CCSER1: variants seen among roughly 807,000 people sequenced by gnomAD.
CCSER1 encodes the protein coiled-coil serine rich protein 1.
Under a neutral mutation model 82.0 loss-of-function variants are expected in CCSER1, and 41 were observed. The ratio of observed to expected loss-of-function variants is 0.50; its 90% CI spans 0.39 to 0.65. CCSER1 has a LOEUF of 0.65. Among genes scored for constraint, CCSER1 ranks in the 30% least tolerant of loss-of-function variants. CCSER1 has a pLI of 0.00. For synonymous variants in CCSER1, 414 were observed against 383.9 expected, an observed-to-expected ratio of 1.08 and a Z score of -0.92; for missense variants, 1,119 against 1,064.2, an observed-to-expected ratio of 1.05 and a Z score of -0.72.
chr4:90,861,926 A>ATATATATATATATTT (rs1486179354), intron 8 of CCSER1, among the ~76,000 whole-genome samples: 2 of 125,684 alleles, frequency 1.6e-5, no homozygotes, highest in African/African-American at 5.5e-5. Flanking sequence ...ATATATATAT[A>ATATATATATATATTT]TTTTTTTTTT....
chr4:90,448,444 AATATAT>A (rs70963067), intron 4 of CCSER1, among the ~76,000 whole-genome samples: 603 of 44,044 alleles, frequency 0.014, 13 homozygotes, highest in East Asian at 0.11. Flanking sequence ...AGGTGAATTG[AATATAT>A]ATATATATAT....
At chr4:90,741,797 A>T (rs184036789) in intron 7 of CCSER1, among the ~76,000 whole-genome samples, 1 of 152,316 alleles carries the variant, frequency 6.6e-6, no homozygotes, top group Non-Finnish European at 1.5e-5. Flanking sequence ...TGCTCATTTG[A>T]GATAGACCGT....
intron 10 of CCSER1, among the ~76,000 whole-genome samples, chr4:91,332,316 C>T (rs917301900): frequency 1.3e-5 from 2 of 151,706 alleles, no homozygotes; most frequent in African/African-American, 2.4e-5. Flanking sequence ...ATAATATTAT[C>T]CCTCTCATTG....
intron 9 of CCSER1, among the ~76,000 whole-genome samples, chr4:91,023,439 G>A (rs1036743503): frequency 2.0e-5 from 3 of 152,156 alleles, no homozygotes; most frequent in African/African-American, 2.4e-5. Context: ...AAACAGGATG[G>A]TACTGGTACC....
In CCSER1 at chr4:91,427,145, G is replaced by T. The variant is rs562670410; in HGVS notation, c.2218-171427G>T. Reference sequence around the variant, plus strand: ...ATAAGGAAGATAGAAGTTTAAGGTTGTTTTTCTGTGAATGAAGAACATCAC... The same window carrying T: ...ATAAGGAAGATAGAAGTTTAAGGTTTTTTTTCTGTGAATGAAGAACATCAC... On this transcript the variant is annotated intron_variant, in intron 10 of 10. Coordinates refer to ENST00000509176, the MANE Select transcript of CCSER1 (RefSeq NM_001145065.2). Among the ~76,000 whole-genome samples, 27 of 152,220 alleles carry T rather than the reference G, an allele frequency of 1.8e-4. No individual in the cohort carries two copies. The East Asian group carries it at 5.0e-3, about 28-fold the overall frequency.
intron 7 of CCSER1, among the ~76,000 whole-genome samples, chr4:90,796,886 G>A (rs1580513991): frequency 6.6e-6 from 1 of 152,120 alleles, no homozygotes; most frequent in Admixed American, 6.6e-5. Context: ...ATTTGCTAAG[G>A]AGTGTTTTAC....
chr4:91,465,463 A>G (rs1015886409), intron 10 of CCSER1, among the ~76,000 whole-genome samples: 1 of 152,040 alleles, frequency 6.6e-6, no homozygotes, highest in African/African-American at 2.4e-5. Flanking sequence ...AAGAGCAAAC[A>G]TATTCAAAAG....
chr4:90,305,656 T>G (rs1011018144), intron 1 of CCSER1, among the ~76,000 whole-genome samples: 2 of 152,214 alleles, frequency 1.3e-5, no homozygotes, highest in African/African-American at 4.8e-5. Context: ...TGAAATGTTT[T>G]GGAGTGTTTC....
intron 9 of CCSER1, among the ~76,000 whole-genome samples, chr4:90,973,193 C>G (rs1280222491): frequency 1.3e-5 from 2 of 151,518 alleles, no homozygotes; most frequent in Non-Finnish European, 3.0e-5. Context: ...AGTTTGTGTA[C>G]TAGCAAAGAA....
intron 5 of CCSER1, among the ~76,000 whole-genome samples, chr4:90,507,875 C>T (rs1034527646): frequency 2.0e-5 from 3 of 151,882 alleles, no homozygotes; most frequent in Non-Finnish European, 4.4e-5. Flanking sequence ...TTCTAACAAA[C>T]ATTTGACAAC....
intron 7 of CCSER1, among the ~76,000 whole-genome samples, chr4:90,759,594 A>T (rs1305357127): frequency 1.3e-5 from 2 of 152,182 alleles, no homozygotes; most frequent in Admixed American, 1.3e-4. Flanking sequence ...CAAGCTACCA[A>T]GTCGTGTCTC....
intron 10 of CCSER1, among the ~76,000 whole-genome samples, chr4:91,138,127 A>G (rs1396053174): frequency 3.2e-5 from 1 of 31,716 alleles, no homozygotes; most frequent in African/African-American, 9.4e-5. Context: ...CGCATCGCCA[A>G]GTCAATCCTA....
At chr4:90,714,226 G>T (rs58139567) in intron 6 of CCSER1, among the ~76,000 whole-genome samples, 8,705 of 151,830 alleles carry the variant, frequency 0.057, 610 homozygotes, top group African/African-American at 0.17. Context: ...TTGGAATTTT[G>T]TTCCTTTTTC....
chr4:91,424,928 A>G (rs1753886213), intron 10 of CCSER1, among the ~76,000 whole-genome samples: 1 of 152,114 alleles, frequency 6.6e-6, no homozygotes, highest in Non-Finnish European at 1.5e-5. Flanking sequence ...GTTCTTGTTT[A>G]ATTGAATTAG....
chr4:91,383,549 A>G (rs1417888680), intron 10 of CCSER1, among the ~76,000 whole-genome samples: 1 of 152,158 alleles, frequency 6.6e-6, no homozygotes, highest in East Asian at 1.9e-4. Context: ...TGAAACTTTA[A>G]GAGTTTAGGA....
chr4:91,182,476 G>T (rs1247492637), intron 10 of CCSER1, among the ~76,000 whole-genome samples: 3 of 152,160 alleles, frequency 2.0e-5, no homozygotes, highest in Non-Finnish European at 4.4e-5. Context: ...AGATTCAGTT[G>T]CATCTGCGGT....
chr4:91,357,142 C>A (rs1218534618), intron 10 of CCSER1, among the ~76,000 whole-genome samples: 2 of 152,086 alleles, frequency 1.3e-5, no homozygotes, highest in East Asian at 1.9e-4. Flanking sequence ...ATGAATGTTT[C>A]CTTTAGCACC....
intron 10 of CCSER1, among the ~76,000 whole-genome samples, chr4:91,260,724 C>A (rs1256476200): frequency 2.0e-5 from 3 of 151,964 alleles, no homozygotes; most frequent in Non-Finnish European, 4.4e-5. Context: ...AATGTTAGAA[C>A]CACTTACCTA....
chr4:91,472,171 T>C (rs1035239452), intron 10 of CCSER1, among the ~76,000 whole-genome samples: 1 of 152,114 alleles, frequency 6.6e-6, no homozygotes, highest in Admixed American at 6.6e-5. Context: ...CTTTATCAAT[T>C]TGTGACTTTG....
Sources: gnomAD v4.1 joint callset for allele counts (sites outside exome capture counted in the v4.1 genomes callset) on GRCh38, gnomAD v4.1.1 for gene constraint, MANE v1.5 for transcripts, NCBI Gene and HGNC (gene_info 2026-07-23, HGNC 2026-07-21) for gene names.